The following ZC3H7B variants were observed in gnomAD, a reference collection of about 807,000 sequenced individuals.
ZC3H7B encodes zinc finger CCCH-type containing 7B, also known as zinc finger CCCH domain-containing protein 7B.
Under a neutral mutation model 116.0 loss-of-function variants are expected in ZC3H7B, and 35 were observed. The ratio of observed to expected loss-of-function variants is 0.30; its 90% CI spans 0.23 to 0.40. The LOEUF is 0.40. Ranked by LOEUF, ZC3H7B falls within the 10% of genes least tolerant of loss-of-function variation. The pLI, the probability that ZC3H7B is intolerant of heterozygous loss-of-function variation, is 1.00. For synonymous variants in ZC3H7B, 502 were observed against 545.6 expected (o/e 0.92, Z 1.11); for missense variants, 1,011 against 1,321.5 (o/e 0.77, Z 3.64).
chr22:41,331,230 C>CA (rs1233787433), intron 6 of ZC3H7B, among the ~76,000 whole-genome samples: 62 of 140,390 alleles, frequency 4.4e-4, no homozygotes, highest in Middle Eastern at 4.1e-3. Context: ...GCCTGGGCAA[C>CA]GAGCGAAACT....
In ZC3H7B at chr22:41,338,522, C is replaced by A. The variant is rs112252792; in HGVS notation, c.625+167C>A. On this transcript the variant is annotated intron_variant, in intron 8 of 22. Coordinates refer to ENST00000352645, the MANE Select transcript of ZC3H7B (RefSeq NM_017590.6). This position sits in a 1 kb window ranked among gnomAD's most constrained non-coding sequence, Gnocchi z 4.5. ...AAAACAGTGGGTTGAGAGCTACAGA[C>A]CCACTCAAGGAGGGGAGGGCATCTC... 6.6e-6 allele frequency among the ~76,000 whole-genome samples: 1 copy of A among 152,172 alleles called. No homozygotes were observed. Among genetic ancestry groups the A allele is most frequent in the African/African-American group, 2.4e-5 (1 of 41,500 alleles).
chr22:41,337,130 C>T (rs974982456), intron 7 of ZC3H7B, among the ~76,000 whole-genome samples: 15 of 151,684 alleles, frequency 9.9e-5, no homozygotes, highest in Non-Finnish European at 2.1e-4. Flanking sequence ...GAGCAAATCT[C>T]CATCTCAAAA....
Position 41,330,110 on chromosome 22 carries a change from G to A in ZC3H7B, c.525+7G>A, listed in dbSNP as rs1361425589. 6.2e-7 allele frequency: 1 copy of A among 1,613,784 alleles called. No homozygotes were observed. The highest frequency in any genetic ancestry group is 1.7e-5 in the Admixed American group (1 of 59,998). ...GGCGTATAAGAGGCCCCAGGTAGGTGGGTTCGGGACCCTGGGAGGGTCGGT... is the reference window on the plus strand; with the variant it reads ...GGCGTATAAGAGGCCCCAGGTAGGTAGGTTCGGGACCCTGGGAGGGTCGGT... On this transcript the variant is annotated splice_region_variant and intron_variant, in intron 6 of 22. Transcript: ENST00000352645.
At chr22:41,345,386 G>T (rs1451809871) in intron 13 of ZC3H7B, among the ~76,000 whole-genome samples, 1 of 152,118 alleles carries the variant, frequency 6.6e-6, no homozygotes, top group African/African-American at 2.4e-5. Flanking sequence ...GGGAGTTTGA[G>T]ACCAGCCTGA....
intron 2 of ZC3H7B, among the ~76,000 whole-genome samples, chr22:41,320,992 C>A (rs918310571): frequency 1.3e-5 from 2 of 152,162 alleles, no homozygotes; most frequent in African/African-American, 4.8e-5. Context: ...CCTGTTAATT[C>A]TCTTGCATGA....
chr22:41,346,949 A>T lies in ZC3H7B; in HGVS notation c.1665+741A>T, dbSNP rs892088745. Among the ~76,000 whole-genome samples, 9 of 149,902 alleles carry T rather than the reference A, an allele frequency of 6.0e-5. No homozygotes were observed. Among genetic ancestry groups the T allele is most frequent in the African/African-American group, 2.2e-4 (9 of 40,308 alleles). ...ACCACTGCACTCCAGCCTGGGTGAC[A>T]GAGTGAGACCCTATTCCAAAAAAAA... On this transcript the variant is annotated intron_variant, in intron 14 of 22. Coordinates refer to ENST00000352645, the MANE Select transcript of ZC3H7B (RefSeq NM_017590.6). This position sits in a 1 kb window ranked among gnomAD's most constrained non-coding sequence, Gnocchi z 5.3.
At chr22:41,306,759 T>A (rs1052984497) in intron 1 of ZC3H7B, among the ~76,000 whole-genome samples, 1 of 152,008 alleles carries the variant, frequency 6.6e-6, no homozygotes, top group Admixed American at 6.6e-5. Flanking sequence ...AGAGGTTCAG[T>A]GAAGTGCAGA....
intron 2 of ZC3H7B, among the ~76,000 whole-genome samples, chr22:41,321,267 G>A (rs2036253221): frequency 6.7e-6 from 1 of 149,880 alleles, no homozygotes; most frequent in Non-Finnish European, 1.5e-5. Context: ...CCAGGCTGGA[G>A]TGCAGTGACA....
rs568050781 is a variant in ZC3H7B, at chr22:41,325,753, T to G, written c.120T>G (p.Phe40Leu). Reference protein sequence around the residue: ...AFLLKLVQNLFAEGNDLFREK... With the variant: ...AFLLKLVQNLLAEGNDLFREK... Reference sequence around the variant, plus strand: ...TGCTCAAGCTGGTGCAGAATCTGTTTGCTGAGGGCAATGATCTGTTCCGGG... The same window carrying G: ...TGCTCAAGCTGGTGCAGAATCTGTTGGCTGAGGGCAATGATCTGTTCCGGG... The change falls in exon 4 of 23, where the codon TTT becomes TTG. Residue 40 changes from phenylalanine to leucine, a missense_variant. By Grantham distance (22) the Phe-to-Leu change is conservative. Around this residue, in one of 5 missense-constraint regions of ZC3H7B, gnomAD observed 322 missense variants for 443.9 expected, o/e 0.73. Coordinates refer to ENST00000352645, the MANE Select transcript of ZC3H7B (RefSeq NM_017590.6). The G allele has an allele frequency of 1.9e-6, 3 of 1,613,946 alleles. No homozygotes were observed. The Admixed American group carries it at 5.0e-5, about 27-fold the overall frequency.
At chr22:41,342,394 G>A (rs922076929) in intron 11 of ZC3H7B, 135 bp from the exon 12 acceptor site, 4 of 698,476 alleles carry the variant, frequency 5.7e-6, no homozygotes, top group Non-Finnish European at 9.7e-6. Context: ...GAAGAGGAAG[G>A]GTCCTGGGCT....
Position 41,346,217 on chromosome 22 carries a change from C to T in ZC3H7B, c.1665+9C>T. 1.9e-6 allele frequency: 3 copies of T among 1,607,390 alleles called. No homozygotes were observed. The South Asian group carries it at 3.3e-5, about 18-fold the overall frequency. ...TCACCTTCCTCTGCGAGGTACTGCC[C>T]ACCCACCCACTGCCACCCCATAGGC... On this transcript the variant is annotated intron_variant, in intron 14 of 22. Transcript: ENST00000352645. This position sits in a 1 kb window ranked among gnomAD's most constrained non-coding sequence, Gnocchi z 5.3.
chr22:41,315,081 C>T (rs998133602), intron 1 of ZC3H7B, among the ~76,000 whole-genome samples: 6 of 151,794 alleles, frequency 4.0e-5, no homozygotes, highest in Non-Finnish European at 8.8e-5. Flanking sequence ...AGATGCTCAC[C>T]TCCCTCTCTT....
Position 41,357,679 on chromosome 22 carries a change from G to A in ZC3H7B, c.*250G>A. On this transcript the variant is annotated 3_prime_UTR_variant, in exon 23 of 23. Coordinates refer to ENST00000352645, the MANE Select transcript of ZC3H7B (RefSeq NM_017590.6). The surrounding 1 kb of genome is among the most constrained non-coding windows in gnomAD (Gnocchi z 5.4). Reference sequence around the variant, plus strand: ...CTTCCCCCACCCCCACGGCTCTCCTGGTTGAGGAGGGAGGGGCCTGGCTGA... The same window carrying A: ...CTTCCCCCACCCCCACGGCTCTCCTAGTTGAGGAGGGAGGGGCCTGGCTGA... 1.8e-6 allele frequency: 1 copy of A among 567,832 alleles called. No individual in the cohort carries two copies. Among genetic ancestry groups the A allele is most frequent in the Non-Finnish European group, 3.1e-6 (1 of 321,912 alleles). The allele number at this position is 567,832 out of a possible 1,614,324, so 35.2% of individuals were successfully genotyped here.
At chr22:41,345,957 T>C in intron 13 of ZC3H7B, 46 bp from the exon 14 acceptor site, 2 of 1,603,002 alleles carry the variant, frequency 1.2e-6, no homozygotes, top group Non-Finnish European at 1.7e-6. Context: ...TGCTGCGGGC[T>C]GCTATCCCCG....
intron 1 of ZC3H7B, among the ~76,000 whole-genome samples, chr22:41,309,008 C>CTTTTTTTTTTTTTTTTTTT (rs57147100): frequency 5.8e-5 from 6 of 103,304 alleles, no homozygotes; most frequent in African/African-American, 1.3e-4. Flanking sequence ...TCCCAGTCTG[C>CTTTTTTTTTTTTTTTTTTT]TTTTTTTTTT....
Position 41,327,088 on chromosome 22 carries a change from C to T in ZC3H7B, c.286-118C>T. On this transcript the variant is annotated intron_variant, in intron 4 of 22. Coordinates refer to ENST00000352645, the MANE Select transcript of ZC3H7B (RefSeq NM_017590.6). This position sits in a 1 kb window ranked among gnomAD's most constrained non-coding sequence, Gnocchi z 4.5. ...GAGCCCTGTCCCTGACCCAAGACTT[C>T]AGCTCCTCTGTCTCTGCCAGGAAGG... is the stretch of plus-strand genomic sequence containing the variant. 2.1e-6 allele frequency: 3 copies of T among 1,443,528 alleles called. No homozygotes were observed. Among genetic ancestry groups the T allele is most frequent in the South Asian group, 1.3e-5 (1 of 75,258 alleles). 89.4% of individuals were successfully genotyped at this position (1,443,528 alleles called of 1,614,324 possible).
chr22:41,314,541 C>A (rs1461998079), intron 1 of ZC3H7B, among the ~76,000 whole-genome samples: 1 of 152,068 alleles, frequency 6.6e-6, no homozygotes, highest in Admixed American at 6.6e-5. Flanking sequence ...TCCCACTTCG[C>A]CTCCCAAAGT....
chr22:41,307,916 CTCTTT>C (rs2036066897), intron 1 of ZC3H7B, among the ~76,000 whole-genome samples: 1 of 152,200 alleles, frequency 6.6e-6, no homozygotes, highest in African/African-American at 2.4e-5. Context: ...TTCCTCGAAG[CTCTTT>C]TCTTATCAAT....
chr22:41,348,128 G>A lies in ZC3H7B; in HGVS notation c.1727G>A (p.Cys576Tyr), dbSNP rs1347647827. ...SKGTKDSPSV[C>Y]SNLAAKHSFY... ...GGCACCAAGGACTCTCCGTCTGTCT[G>A]CTCCAACCTGGCTGCCAAGCACAGC... Residue 576 changes from cysteine (C) to tyrosine (Y), a missense_variant, in exon 15 of 23, where the codon TGC becomes TAC. This residue lies in a region of ZC3H7B where 406 missense variants were observed against 590.2 expected (regional missense o/e 0.69). Coordinates refer to ENST00000352645, the MANE Select transcript of ZC3H7B (RefSeq NM_017590.6). The A allele has an allele frequency of 6.2e-7, 1 of 1,613,826 alleles. No individual in the cohort carries two copies. The highest frequency in any genetic ancestry group is 8.5e-7 in the Non-Finnish European group (1 of 1,179,944).
Sources: gnomAD v4.1 joint callset for allele counts (sites outside exome capture counted in the v4.1 genomes callset) on GRCh38, gnomAD v4.1.1 for gene constraint, gnomAD v4.1.1 regional missense constraint, Gnocchi (gnomAD v3.1) non-coding constraint, MANE v1.5 for transcripts, NCBI Gene and HGNC (gene_info 2026-07-23, HGNC 2026-07-21) for gene names.